MINDY3: variants seen among roughly 807,000 people sequenced by gnomAD.
The protein encoded by MINDY3 is MINDY lysine 48 deubiquitinase 3, also known as ubiquitin carboxyl-terminal hydrolase MINDY-3.
Under a neutral mutation model 69.2 loss-of-function variants are expected in MINDY3, and 38 were observed. That is an observed-to-expected ratio of 0.55 (90% CI 0.42 to 0.72). The LOEUF is 0.72. Ranked by LOEUF, MINDY3 falls within the 30% of genes least tolerant of loss-of-function variation. The pLI is 0.00. For missense variants in MINDY3, 522 were observed against 519.0 expected, an observed-to-expected ratio of 1.01 and a Z score of -0.06; for synonymous variants, 192 against 180.1, an observed-to-expected ratio of 1.07 and a Z score of -0.53.
chr10:15,838,254 G>A lies in MINDY3; in HGVS notation c.435C>T (p.Gly145=). 2 of 1,603,996 alleles carry A rather than the reference G, an allele frequency of 1.2e-6. No homozygotes were observed. The highest frequency in any genetic ancestry group is 1.7e-6 in the Non-Finnish European group (2 of 1,176,136). The stretch of plus-strand genomic sequence containing the variant: ...GAATTAATGCATGAAATCGCTCAAA[G>A]CCAAGCTCTTCGACAGCCAAGGCAG... ...HSSALAVEEL[G]FERFHALIQK... The change falls in exon 5 of 15, where the codon GGC becomes GGT. Residue 145 remains glycine, a synonymous_variant. Transcript: ENST00000277632.
chr10:15,802,252 A>C (rs1195665264), intron 10 of MINDY3, among the ~76,000 whole-genome samples: 1 of 152,118 alleles, frequency 6.6e-6, no homozygotes, highest in Non-Finnish European at 1.5e-5. Flanking sequence ...AACGAACTGC[A>C]TTAGTCTGTT....
intron 11 of MINDY3, 63 bp downstream of exon 11, chr10:15,796,037 G>A (rs1012998383): frequency 7.8e-6 from 9 of 1,151,144 alleles, no homozygotes; most frequent in East Asian, 2.4e-5. Context: ...AAATCAGGTC[G>A]CTATCAATGT....
intron 10 of MINDY3, among the ~76,000 whole-genome samples, chr10:15,798,506 G>T (rs963703620): frequency 6.7e-6 from 1 of 149,702 alleles, no homozygotes; most frequent in East Asian, 2.0e-4. Flanking sequence ...GGTTGGGCAC[G>T]GTGTGTCACG....
At chr10:15,835,042 C>G (rs1832982345) in intron 6 of MINDY3, among the ~76,000 whole-genome samples, 1 of 151,944 alleles carries the variant, frequency 6.6e-6, no homozygotes, top group African/African-American at 2.4e-5. Context: ...AGAGATATAA[C>G]ATTAAATAAT....
intron 7 of MINDY3, among the ~76,000 whole-genome samples, chr10:15,834,121 T>C (rs1349864980): frequency 6.6e-6 from 1 of 152,028 alleles, no homozygotes; most frequent in Admixed American, 6.6e-5. Context: ...GTAGGTTAAC[T>C]ATCACTGTTT....
At chr10:15,783,009 T>A (rs1169765153) in intron 13 of MINDY3, among the ~76,000 whole-genome samples, 2 of 152,148 alleles carry the variant, frequency 1.3e-5, no homozygotes, top group East Asian at 3.9e-4. Context: ...AGATCCCCCT[T>A]GTCTTCCTGG....
chr10:15,786,385 G>T (rs138860765), intron 13 of MINDY3, among the ~76,000 whole-genome samples, 176 bp downstream of exon 13: 1 of 152,234 alleles, frequency 6.6e-6, no homozygotes, highest in Non-Finnish European at 1.5e-5. Context: ...TCAAGGCACT[G>T]CGTTACCGTA....
At chr10:15,825,749 T>C (rs1319738383) in intron 8 of MINDY3, among the ~76,000 whole-genome samples, 2 of 152,202 alleles carry the variant, frequency 1.3e-5, no homozygotes, top group Admixed American at 6.5e-5. Context: ...CACTGTAGAA[T>C]GGCTAAACTG....
intron 13 of MINDY3, among the ~76,000 whole-genome samples, chr10:15,782,847 T>C (rs1319273950): frequency 2.0e-5 from 3 of 152,206 alleles, no homozygotes; most frequent in African/African-American, 7.2e-5. Flanking sequence ...AGTAAGCTTG[T>C]AGAAAAATGG....
chr10:15,844,463 G>T (rs1011612100), intron 2 of MINDY3, among the ~76,000 whole-genome samples: 2 of 151,720 alleles, frequency 1.3e-5, no homozygotes, highest in African/African-American at 4.8e-5. Flanking sequence ...AATCATAATG[G>T]GTATATGAAT....
chr10:15,837,994 T>C, intron 5 of MINDY3: 2 of 975,954 alleles, frequency 2.0e-6, no homozygotes, highest in Non-Finnish European at 2.4e-6. Context: ...ATGAAAAAGC[T>C]TTTTAATGTT....
intron 8 of MINDY3, among the ~76,000 whole-genome samples, chr10:15,823,444 C>T (rs145671145): frequency 2.5e-4 from 38 of 152,086 alleles, no homozygotes; most frequent in East Asian, 9.6e-4. Context: ...TATGAAGATC[C>T]GGCTGTCTAC....
At chr10:15,851,902 C>T (rs930912998) in intron 1 of MINDY3, among the ~76,000 whole-genome samples, 4 of 152,182 alleles carry the variant, frequency 2.6e-5, no homozygotes, top group African/African-American at 2.4e-5. Context: ...TCTGTTTACA[C>T]TTACAATCAT....
At chr10:15,804,709 T>C (rs1838510330) in intron 10 of MINDY3, among the ~76,000 whole-genome samples, 1 of 152,214 alleles carries the variant, frequency 6.6e-6, no homozygotes, top group South Asian at 2.1e-4. Context: ...TCACCTTTAG[T>C]CTTTGCTTAC....
chr10:15,820,609 A>T (rs1588585935), intron 9 of MINDY3, among the ~76,000 whole-genome samples: 2 of 152,228 alleles, frequency 1.3e-5, no homozygotes, highest in African/African-American at 4.8e-5. Flanking sequence ...AAAGTCACTG[A>T]AAATACTGTT....
At chr10:15,811,799 A>T (rs1465145613) in intron 10 of MINDY3, among the ~76,000 whole-genome samples, 1 of 152,158 alleles carries the variant, frequency 6.6e-6, no homozygotes, top group Non-Finnish European at 1.5e-5. Context: ...TTCCTACAAA[A>T]ATTTAATTAC....
chr10:15,824,128 T>C (rs1046537878), intron 8 of MINDY3, among the ~76,000 whole-genome samples: 6 of 152,234 alleles, frequency 3.9e-5, no homozygotes, highest in African/African-American at 1.4e-4. Context: ...CTGATTTCTT[T>C]GTCTTTGGGT....
chr10:15,858,780 T>A (rs1464577304), intron 1 of MINDY3, among the ~76,000 whole-genome samples: 1 of 152,204 alleles, frequency 6.6e-6, no homozygotes, highest in Admixed American at 6.5e-5. Context: ...GTTTAATAAA[T>A]GTTAACTGAT....
chr10:15,844,659 C>G (rs1264441758), intron 2 of MINDY3, among the ~76,000 whole-genome samples: 1 of 152,084 alleles, frequency 6.6e-6, no homozygotes, highest in Admixed American at 6.6e-5. Flanking sequence ...TTAAATATTT[C>G]TTTAGAAAAG....
Sources: gnomAD v4.1 joint callset for allele counts (sites outside exome capture counted in the v4.1 genomes callset) on GRCh38, gnomAD v4.1.1 for gene constraint, MANE v1.5 for transcripts, NCBI Gene and HGNC (gene_info 2026-07-23, HGNC 2026-07-21) for gene names.